Variants in NOL4 observed in about 807,000 individuals in gnomAD.
The protein encoded by NOL4 is cancer/testis antigen 125.
A neutral mutation model predicts 75.9 loss-of-function variants in NOL4; 17 were observed. That is an observed-to-expected ratio of 0.22 (90% CI 0.15 to 0.34). The LOEUF is 0.34. Ranked by LOEUF, NOL4 falls within the 10% of genes least tolerant of loss-of-function variation. The pLI, the probability that NOL4 is intolerant of heterozygous loss-of-function variation, is 1.00. For missense variants in NOL4, 614 were observed against 793.5 expected (o/e 0.77, Z 2.72); for synonymous variants, 292 against 289.9 (o/e 1.01, Z -0.07).
At chr18:34,141,524 A>C (rs1234410212) in intron 1 of NOL4, among the ~76,000 whole-genome samples, 3 of 152,206 alleles carry the variant, frequency 2.0e-5, no homozygotes, top group Non-Finnish European at 4.4e-5. Context: ...CTCATAAATA[A>C]TACCACACAT....
At chr18:33,923,414 C>T (rs906014360) in intron 9 of NOL4, among the ~76,000 whole-genome samples, 1 of 151,824 alleles carries the variant, frequency 6.6e-6, no homozygotes, top group African/African-American at 2.4e-5. Flanking sequence ...TACATATTAA[C>T]AGTTTATCTG....
chr18:33,958,299 G>C lies in NOL4; in HGVS notation c.1176C>G (p.Asp392Glu). Residue 392 changes from aspartate (D) to glutamate (E), a missense_variant, in exon 7 of 11, where the codon GAC becomes GAG. This residue lies in a region of NOL4 where 196 missense variants were observed against 167.9 expected (regional missense o/e 1.17). Coordinates refer to ENST00000261592, the MANE Select transcript of NOL4 (RefSeq NM_003787.5). ...DEDEDDHEDH[D>E]DSEKVNETDG... is the part of the protein sequence containing the mutation. ...CTGTCTCATTAACTTTCTCCGAATC[G>C]TCATGGTCCTCGTGGTCATCTTCGT... is the stretch of plus-strand genomic sequence containing the variant. 6.2e-7 allele frequency: 1 copy of C among 1,613,744 alleles called. No individual in the cohort carries two copies. The highest frequency in any genetic ancestry group is 8.5e-7 in the Non-Finnish European group (1 of 1,179,764).
At chr18:34,092,206 T>A (rs1292815143) in intron 5 of NOL4, among the ~76,000 whole-genome samples, 3 of 152,022 alleles carry the variant, frequency 2.0e-5, no homozygotes, top group Non-Finnish European at 4.4e-5. Flanking sequence ...AAATACAAAA[T>A]CTGAGGAATG....
chr18:33,979,951 C>T (rs148366804), intron 6 of NOL4, among the ~76,000 whole-genome samples: 2 of 152,028 alleles, frequency 1.3e-5, no homozygotes, highest in African/African-American at 4.8e-5. Flanking sequence ...TATTTAAATG[C>T]CACAAAATTT....
At chr18:34,131,917 A>C (rs977579781) in intron 1 of NOL4, among the ~76,000 whole-genome samples, 3 of 152,188 alleles carry the variant, frequency 2.0e-5, no homozygotes, top group Non-Finnish European at 4.4e-5. Context: ...CTAGGGTAGT[A>C]TATTAATTTC....
At chr18:33,935,485 G>C (rs1289951828) in intron 9 of NOL4, among the ~76,000 whole-genome samples, 1 of 152,022 alleles carries the variant, frequency 6.6e-6, no homozygotes, top group Non-Finnish European at 1.5e-5. Context: ...CATTTATTAA[G>C]TTCTTTGTCT....
chr18:34,019,276 A>T (rs1373718621), intron 6 of NOL4, 42 bp downstream of exon 6: 5 of 1,581,030 alleles, frequency 3.2e-6, no homozygotes, highest in African/African-American at 1.3e-5. Flanking sequence ...TGTGACCTTC[A>T]TGACCAACTC....
At chr18:34,194,872 A>C (rs1021672677) in intron 1 of NOL4, among the ~76,000 whole-genome samples, 5 of 151,964 alleles carry the variant, frequency 3.3e-5, no homozygotes, top group Non-Finnish European at 7.4e-5. Context: ...TAAAAATACA[A>C]AATTAGCCGG....
chr18:33,899,210 C>T (rs2065601670), intron 9 of NOL4, among the ~76,000 whole-genome samples: 1 of 152,090 alleles, frequency 6.6e-6, no homozygotes, highest in South Asian at 2.1e-4. Flanking sequence ...GTTTCATGGC[C>T]TCCTAAGCCC....
intron 2 of NOL4, among the ~76,000 whole-genome samples, chr18:34,123,214 C>T (rs200222232): frequency 6.6e-6 from 1 of 151,174 alleles, no homozygotes; most frequent in East Asian, 1.9e-4. Flanking sequence ...AGCAACTACA[C>T]CTATATGAGA....
intron 1 of NOL4, among the ~76,000 whole-genome samples, chr18:34,158,928 A>G (rs2030942809): frequency 6.6e-6 from 1 of 152,180 alleles, no homozygotes; most frequent in South Asian, 2.1e-4. Context: ...TGGAAAGCCA[A>G]ATAAAGGCAG....
chr18:34,160,344 G>GA (rs1195028298), intron 1 of NOL4, among the ~76,000 whole-genome samples: 1 of 151,844 alleles, frequency 6.6e-6, no homozygotes, highest in East Asian at 1.9e-4. Context: ...GGCTTTTCAT[G>GA]AAAAAAGATT....
intron 6 of NOL4, among the ~76,000 whole-genome samples, chr18:33,989,280 G>C (rs2072736045): frequency 6.6e-6 from 1 of 151,082 alleles, no homozygotes; most frequent in Admixed American, 6.6e-5. Flanking sequence ...ATATTAAAGG[G>C]ATACGCTGCC....
intron 1 of NOL4, among the ~76,000 whole-genome samples, chr18:34,133,992 C>T (rs1211750849): frequency 6.6e-6 from 1 of 152,146 alleles, no homozygotes; most frequent in Non-Finnish European, 1.5e-5. Context: ...CACTGCACTC[C>T]AGCCCGAGCC....
chr18:34,090,360 CTAA>C lies in NOL4; in HGVS notation c.772+3102_772+3104del, dbSNP rs540737796. Among the ~76,000 whole-genome samples, 456 of 152,068 alleles carry C rather than the reference CTAA, an allele frequency of 3.0e-3. 3 individuals are homozygous for C. The highest frequency in any genetic ancestry group is 0.011 in the African/African-American group (442 of 41,502). ...TATTTTCATTCTAGAAGAGAAACAG[CTAA>C]TAATTGAGAAAAATAATGCAGTTTC... On this transcript the variant is annotated intron_variant, in intron 5 of 10. Transcript: ENST00000261592.
chr18:33,880,631 T>C (rs1429708892), intron 10 of NOL4, among the ~76,000 whole-genome samples: 1 of 151,996 alleles, frequency 6.6e-6, no homozygotes, highest in Non-Finnish European at 1.5e-5. Flanking sequence ...GTCCTTTCCA[T>C]GTGTTGTTTC....
intron 1 of NOL4, among the ~76,000 whole-genome samples, chr18:34,178,354 A>G (rs2033738957): frequency 6.6e-6 from 1 of 151,738 alleles, no homozygotes; most frequent in Admixed American, 6.6e-5. Context: ...AGACACAGAC[A>G]TAGAAAACAA....
At chr18:34,049,692 A>G (rs528621732) in intron 5 of NOL4, among the ~76,000 whole-genome samples, 61 of 152,104 alleles carry the variant, frequency 4.0e-4, no homozygotes, top group African/African-American at 1.4e-3. Context: ...TTATGTTAGG[A>G]GCATCTATTC....
In NOL4 at chr18:33,958,371, A is replaced by G. The variant is rs1414966428; in HGVS notation, c.1104T>C (p.Ser368=). The change falls in exon 7 of 11, where the codon AGT becomes AGC. Residue 368 remains serine, a synonymous_variant. Coordinates refer to ENST00000261592, the MANE Select transcript of NOL4 (RefSeq NM_003787.5). ...YSSYDSGKNE[S]VDRGAEDLSL... ...AGAGGTCCTCAGCTCCTCGGTCTAC[A>G]CTCTCATTTTTGCCAGAGTCATAGC... 9 of 1,613,470 alleles carry G rather than the reference A, an allele frequency of 5.6e-6. No individual in the cohort carries two copies. The highest frequency in any genetic ancestry group is 6.8e-6 in the Non-Finnish European group (8 of 1,179,598).
Sources: allele counts gnomAD v4.1 joint callset (sites outside exome capture counted in the v4.1 genomes callset), GRCh38; gene constraint gnomAD v4.1.1; regional missense constraint gnomAD v4.1.1; transcripts MANE v1.5; gene names NCBI Gene and HGNC (gene_info 2026-07-23, HGNC 2026-07-21).